ANKRD30B: variants seen among roughly 807,000 people sequenced by gnomAD.
ANKRD30B encodes ankyrin repeat domain-containing protein 30B.
A neutral mutation model predicts 202.2 loss-of-function variants in ANKRD30B; 144 were observed. The ratio of observed to expected loss-of-function variants is 0.71; its 90% CI spans 0.62 to 0.82. The LOEUF (loss-of-function observed/expected upper bound fraction) is 0.82, where lower values mean the gene tolerates loss of function less well. Among genes scored for constraint, ANKRD30B ranks in the 40% least tolerant of loss-of-function variants. The probability of loss-of-function intolerance (pLI) is 0.00; values close to 1 mark genes in which losing one functional copy is unlikely to be tolerated. For missense variants in ANKRD30B, 1,487 were observed against 1,669.1 expected (o/e 0.89, Z 1.90); for synonymous variants, 508 against 561.3 (o/e 0.91, Z 1.34).
At chr18:14,775,262 A>G (rs780167367) in intron 9 of ANKRD30B, among the ~76,000 whole-genome samples, 1 of 152,260 alleles carries the variant, frequency 6.6e-6, no homozygotes, top group Non-Finnish European at 1.5e-5. Context: ...GCCAGTGTAG[A>G]ATAGTGCAAA....
chr18:14,753,116 G>T, intron 3 of ANKRD30B, 104 bp downstream of exon 3: 1 of 950,738 alleles, frequency 1.1e-6, no homozygotes, highest in Non-Finnish European at 1.4e-6. Context: ...TTCCTTGAGT[G>T]AAAATAATTT....
intron 26 of ANKRD30B, among the ~76,000 whole-genome samples, chr18:14,809,713 T>G (rs527569756): frequency 1.3e-5 from 2 of 151,220 alleles, no homozygotes; most frequent in South Asian, 4.2e-4. Flanking sequence ...ATTCTGGCAG[T>G]CCAACCTGGC....
intron 42 of ANKRD30B, among the ~76,000 whole-genome samples, chr18:14,853,069 G>A (rs1971955096): frequency 6.6e-6 from 1 of 151,830 alleles, no homozygotes; most frequent in South Asian, 2.1e-4. Flanking sequence ...CAAATGTAGT[G>A]GATTTTAGCA....
chr18:14,756,958 A>G (rs947552213), intron 4 of ANKRD30B, among the ~76,000 whole-genome samples: 1 of 152,188 alleles, frequency 6.6e-6, no homozygotes, highest in Non-Finnish European at 1.5e-5. Flanking sequence ...TAGGACGACT[A>G]TTTGCTTTAA....
rs1351505467 is a variant in ANKRD30B, at chr18:14,831,365, T to G, written c.2775-18T>G. On this transcript the variant is annotated intron_variant, in intron 33 of 43. Coordinates refer to ENST00000690538, the MANE Select transcript of ANKRD30B (RefSeq NM_001367607.2). Reference sequence around the variant, plus strand: ...AATATATGAATTTGCTCATTTTTGTTTTATCTTTTTTCTCTAGTCTTTTTG... The same window carrying G: ...AATATATGAATTTGCTCATTTTTGTGTTATCTTTTTTCTCTAGTCTTTTTG... 1 of 1,434,724 alleles carries G rather than the reference T, an allele frequency of 7.0e-7. No homozygotes were observed. The highest frequency in any genetic ancestry group is 2.5e-5 in the East Asian group (1 of 40,178). 88.9% of individuals were successfully genotyped at this position (1,434,724 alleles called of 1,614,324 possible).
intron 6 of ANKRD30B, 98 bp downstream of exon 6, chr18:14,760,716 G>A (rs552069019): frequency 6.0e-5 from 48 of 799,562 alleles, no homozygotes; most frequent in Middle Eastern, 2.2e-4. Context: ...TGTGCAAATA[G>A]CATGTGTTTA....
chr18:14,819,213 GT>G (rs1241596652), intron 30 of ANKRD30B, among the ~76,000 whole-genome samples: 211 of 147,458 alleles, frequency 1.4e-3, no homozygotes, highest in African/African-American at 5.0e-3. Context: ...GGGGTTGTTT[GT>G]TTTTTTCTTG....
At chr18:14,756,027 A>G (rs547595368) in intron 4 of ANKRD30B, among the ~76,000 whole-genome samples, 1 of 152,210 alleles carries the variant, frequency 6.6e-6, no homozygotes, top group African/African-American at 2.4e-5. Flanking sequence ...CCAACAGTGT[A>G]AAAGTGTTCC....
chr18:14,758,541 C>T (rs9675842), intron 5 of ANKRD30B, among the ~76,000 whole-genome samples: 149,069 of 152,252 alleles, frequency 0.98, 73,055 homozygotes, highest in East Asian at 1. Flanking sequence ...ACTTCAAAGT[C>T]ATTACAGTTT....
chr18:14,795,057 C>G (rs1046390520), intron 16 of ANKRD30B, among the ~76,000 whole-genome samples: 2 of 152,090 alleles, frequency 1.3e-5, no homozygotes, highest in Non-Finnish European at 2.9e-5. Flanking sequence ...GTTTTAGCAA[C>G]AAAGCAATTG....
intron 39 of ANKRD30B, among the ~76,000 whole-genome samples, chr18:14,846,715 T>G (rs373256063): frequency 6.6e-6 from 1 of 152,124 alleles, no homozygotes; most frequent in South Asian, 2.1e-4. Flanking sequence ...CTGTGAAATG[T>G]ACTTTGGTAT....
At chr18:14,933,651 G>A in the ANKRD30B span, among the ~76,000 whole-genome samples, 2 of 152,120 alleles carry the variant, frequency 1.3e-5, no homozygotes, top group Admixed American at 1.3e-4. Flanking sequence ...GCAGTGCTGG[G>A]AGATATGCGT....
chr18:14,764,422 C>T (rs1915764579), intron 7 of ANKRD30B, among the ~76,000 whole-genome samples: 2 of 151,990 alleles, frequency 1.3e-5, no homozygotes, highest in African/African-American at 4.8e-5. Context: ...TGGAGTCTCG[C>T]ACTGTTGCCT....
At chr18:14,881,704 A>G in the ANKRD30B span, among the ~76,000 whole-genome samples, 6 of 151,284 alleles carry the variant, frequency 4.0e-5, no homozygotes, top group African/African-American at 1.5e-4. Context: ...AATGTCTGGT[A>G]GAATTCTGCT....
chr18:14,809,088 G>A lies in ANKRD30B; in HGVS notation c.2386+344G>A, dbSNP rs372672555. ...AGGGGAATCACAGCCTTGTGTTCCC[G>A]TGGTGCCAACAATTCACTAGATATA... On this transcript the variant is annotated intron_variant, in intron 26 of 43. Coordinates refer to ENST00000690538, the MANE Select transcript of ANKRD30B (RefSeq NM_001367607.2). 1.5e-4 allele frequency among the ~76,000 whole-genome samples: 22 copies of A among 143,318 alleles called. 1 individual carries two copies. In the East Asian group the frequency reaches 2.6e-3, roughly 17 times the overall value. The allele number at this position is 143,318 out of a possible 152,430, so 94.0% of individuals were successfully genotyped here. A position where few individuals can be genotyped will look rare whatever the true frequency, so the allele number is the denominator to read the frequency against.
intron 32 of ANKRD30B, among the ~76,000 whole-genome samples, chr18:14,827,537 T>A (rs1399378246): frequency 6.6e-6 from 1 of 152,190 alleles, no homozygotes; most frequent in Non-Finnish European, 1.5e-5. Flanking sequence ...ACAGAATTCA[T>A]TGCTTATTTG....
Position 14,783,748 on chromosome 18 carries a change from T to C in ANKRD30B, c.1571-588T>C, listed in dbSNP as rs147095904. On this transcript the variant is annotated intron_variant, in intron 12 of 43. Coordinates refer to ENST00000690538, the MANE Select transcript of ANKRD30B (RefSeq NM_001367607.2). ...CCATGATGAGTTTTATACATCTTCT[T>C]GCATAAGTGGATCAAGAAGCATTCA... Among the ~76,000 whole-genome samples, 26 of 152,240 alleles carry C rather than the reference T, an allele frequency of 1.7e-4. No homozygotes were observed. The East Asian group carries it at 5.0e-3, about 29-fold the overall frequency.
At chr18:14,810,315 T>C (rs1969841599) in intron 28 of ANKRD30B, 135 bp downstream of exon 28, 2 of 592,768 alleles carry the variant, frequency 3.4e-6, no homozygotes, top group South Asian at 2.4e-5. Context: ...ATGCAAATGT[T>C]AGTATTTATG....
At chr18:14,889,939 G>T in the ANKRD30B span, 2 of 653,230 alleles carry the variant, frequency 3.1e-6, no homozygotes, top group South Asian at 1.9e-5. Flanking sequence ...GAGATATTTC[G>T]ACAAAAATGA....
Sources: gnomAD v4.1 joint callset for allele counts (sites outside exome capture counted in the v4.1 genomes callset) on GRCh38, gnomAD v4.1.1 for gene constraint, MANE v1.5 for transcripts, NCBI Gene and HGNC (gene_info 2026-07-23, HGNC 2026-07-21) for gene names.